Variants in ASCC3 observed in about 807,000 individuals in gnomAD.
ASCC3 encodes ASC-1 complex subunit P200.
Under a neutral mutation model 256.3 loss-of-function variants are expected in ASCC3, and 158 were observed. That is an observed-to-expected ratio of 0.62 (90% confidence interval 0.54 to 0.70). The LOEUF (loss-of-function observed/expected upper bound fraction) is 0.70, where lower values mean the gene tolerates loss of function less well. Among genes scored for constraint, ASCC3 ranks in the 30% least tolerant of loss-of-function variants. ASCC3 has a pLI of 0.00. For synonymous variants in ASCC3, 948 were observed against 883.4 expected, an observed-to-expected ratio of 1.07 and a Z score of -1.30; for missense variants, 2,259 against 2,626.0, an observed-to-expected ratio of 0.86 and a Z score of 3.05.
chr6:100,770,324 A>C (rs1781857453), intron 8 of ASCC3, among the ~76,000 whole-genome samples: 1 of 151,932 alleles, frequency 6.6e-6, no homozygotes, highest in African/African-American at 2.4e-5. Flanking sequence ...CCTCAACCTG[A>C]TAGAAGGCAT....
chr6:100,626,375 A>C (rs1180366542), intron 29 of ASCC3, among the ~76,000 whole-genome samples: 2 of 152,030 alleles, frequency 1.3e-5, no homozygotes, highest in Non-Finnish European at 2.9e-5. Context: ...TGTTGACATG[A>C]CCTTGACTTT....
intron 30 of ASCC3, among the ~76,000 whole-genome samples, chr6:100,611,362 T>C (rs1045586867): frequency 6.6e-5 from 10 of 152,096 alleles, no homozygotes; most frequent in Non-Finnish European, 1.2e-4. Flanking sequence ...GGACGGCCTA[T>C]ACAAATTTGA....
intron 36 of ASCC3, among the ~76,000 whole-genome samples, chr6:100,545,653 A>G (rs1775686568): frequency 1.3e-5 from 2 of 152,186 alleles, no homozygotes; most frequent in Non-Finnish European, 2.9e-5. Flanking sequence ...ATGTAGTGGC[A>G]CAATCATAGC....
chr6:100,527,700 CATAAT>C (rs1388538817), intron 37 of ASCC3, among the ~76,000 whole-genome samples: 1 of 152,138 alleles, frequency 6.6e-6, no homozygotes, highest in Non-Finnish European at 1.5e-5. Context: ...AGCTTACAGT[CATAAT>C]ATCTTTCACT....
At chr6:100,737,325 C>T (rs1415782336) in intron 10 of ASCC3, among the ~76,000 whole-genome samples, 1 of 151,796 alleles carries the variant, frequency 6.6e-6, no homozygotes, top group Admixed American at 6.6e-5. Context: ...GCAGATCATC[C>T]CATCACCTTA....
chr6:100,836,072 T>A (rs1478437858), intron 4 of ASCC3, among the ~76,000 whole-genome samples: 1 of 152,180 alleles, frequency 6.6e-6, no homozygotes, highest in African/African-American at 2.4e-5. Flanking sequence ...TGCATTAATA[T>A]ACAAATGATA....
At chr6:100,656,666 T>C (rs1169676342) in intron 16 of ASCC3, among the ~76,000 whole-genome samples, 1 of 151,452 alleles carries the variant, frequency 6.6e-6, no homozygotes, top group Non-Finnish European at 1.5e-5. Flanking sequence ...AAGAGCTGTA[T>C]AACAAAGAGA....
Position 100,530,886 on chromosome 6 carries a change from A to T in ASCC3, c.5775+9277T>A, listed in dbSNP as rs1409210677. 14 of 1,280,372 alleles carry T rather than the reference A, an allele frequency of 1.1e-5. No individual in the cohort carries two copies. In the Admixed American group the frequency reaches 2.4e-4, roughly 22 times the overall value. The allele number at this position is 1,280,372 out of a possible 1,614,324, so 79.3% of individuals were successfully genotyped here. ...ATGGAATAAATTTTTGTGGAACATC[A>T]CAAACAATCAATACCAAAAGACACT... On this transcript the variant is annotated intron_variant, in intron 37 of 41. Coordinates refer to ENST00000369162, the MANE Select transcript of ASCC3 (RefSeq NM_006828.4).
At chr6:100,606,908 T>G in intron 31 of ASCC3, 43 bp downstream of exon 31, 1 of 1,607,826 alleles carries the variant, frequency 6.2e-7, no homozygotes, top group South Asian at 1.1e-5. Flanking sequence ...ATATAACTTT[T>G]AAGTTACATT....
intron 11 of ASCC3, among the ~76,000 whole-genome samples, chr6:100,723,235 TA>T (rs1220200095): frequency 6.6e-6 from 1 of 151,744 alleles, no homozygotes; most frequent in Admixed American, 6.6e-5. Context: ...CTATTAAATA[TA>T]AATAATATTA....
chr6:100,829,296 G>A (rs1343251519), intron 4 of ASCC3, among the ~76,000 whole-genome samples: 1 of 152,148 alleles, frequency 6.6e-6, no homozygotes, highest in East Asian at 1.9e-4. Context: ...CGCTCATGGA[G>A]GAGGCTCCGG....
rs150431715 is a variant in ASCC3 at position 100,706,329 on chromosome 6, A to C, written c.2151+9133T>G. ...GATAACATTAACTTCAACCTCAATT[A>C]TTATGAGTTAAAAAAAAACACAACT... is the stretch of plus-strand genomic sequence containing the variant. On this transcript the variant is annotated intron_variant, in intron 13 of 41. Transcript: ENST00000369162. Among the ~76,000 whole-genome samples the C allele has an allele frequency of 3.4e-3, 516 of 151,536 alleles. 4 individuals carry two copies. Among genetic ancestry groups the C allele is most frequent in the African/African-American group, 0.012 (492 of 41,382 alleles).
intron 36 of ASCC3, among the ~76,000 whole-genome samples, chr6:100,571,252 C>T (rs1770578072): frequency 6.6e-6 from 1 of 152,172 alleles, no homozygotes; most frequent in South Asian, 2.1e-4. Context: ...GATTTCTTCC[C>T]CAAGGCTTTC....
At chr6:100,821,124 G>T (rs1771017460) in intron 4 of ASCC3, among the ~76,000 whole-genome samples, 2 of 151,982 alleles carry the variant, frequency 1.3e-5, no homozygotes, top group African/African-American at 4.8e-5. Context: ...GGAATTCCTG[G>T]GCTCCTGCCT....
At chr6:100,632,677 C>G (rs1429338343) in intron 25 of ASCC3, among the ~76,000 whole-genome samples, 6 of 152,086 alleles carry the variant, frequency 3.9e-5, no homozygotes. Flanking sequence ...CCCACACAAA[C>G]AAGGTCAACT....
At chr6:100,710,257 T>C (rs1472285134) in intron 13 of ASCC3, among the ~76,000 whole-genome samples, 26 of 152,178 alleles carry the variant, frequency 1.7e-4, no homozygotes, top group Admixed American at 1.7e-3. Flanking sequence ...TGGAAAAATA[T>C]GCACACAAAA....
intron 4 of ASCC3, among the ~76,000 whole-genome samples, chr6:100,830,148 GA>G (rs1252891787): frequency 6.6e-6 from 1 of 151,720 alleles, no homozygotes; most frequent in Non-Finnish European, 1.5e-5. Flanking sequence ...TGAAACCACA[GA>G]AAGCAAAACT....
intron 36 of ASCC3, among the ~76,000 whole-genome samples, chr6:100,580,909 A>G (rs1178133034): frequency 6.6e-6 from 1 of 152,120 alleles, no homozygotes; most frequent in Non-Finnish European, 1.5e-5. Context: ...AAAGGACATG[A>G]ACTCATCATT....
intron 10 of ASCC3, among the ~76,000 whole-genome samples, chr6:100,737,323 T>A (rs1053727501): frequency 1.3e-5 from 2 of 151,904 alleles, no homozygotes; most frequent in African/African-American, 4.8e-5. Flanking sequence ...GTGCAGATCA[T>A]CCCATCACCT....
Sources: gnomAD v4.1 joint callset for allele counts (sites outside exome capture counted in the v4.1 genomes callset) on GRCh38, gnomAD v4.1.1 for gene constraint, MANE v1.5 for transcripts, NCBI Gene and HGNC (gene_info 2026-07-23, HGNC 2026-07-21) for gene names.